MSI2: variants seen among roughly 807,000 people sequenced by gnomAD.
The protein encoded by MSI2 is musashi RNA binding protein 2.
A neutral mutation model predicts 45.6 loss-of-function variants in MSI2; 17 were observed. That is an observed-to-expected ratio of 0.37 (90% CI 0.26 to 0.56). The LOEUF (loss-of-function observed/expected upper bound fraction) is 0.56, where lower values mean the gene tolerates loss of function less well. Ranked by LOEUF, MSI2 falls within the 20% of genes least tolerant of loss-of-function variation. The pLI, the probability that MSI2 is intolerant of heterozygous loss-of-function variation, is 0.77. For synonymous variants in MSI2, 156 were observed against 158.2 expected, an observed-to-expected ratio of 0.99 and a Z score of 0.11; for missense variants, 293 against 444.2, an observed-to-expected ratio of 0.66 and a Z score of 3.06.
At chr17:57,523,843 A>G (rs1408628709) in intron 6 of MSI2, among the ~76,000 whole-genome samples, 1 of 152,118 alleles carries the variant, frequency 6.6e-6, no homozygotes, top group Non-Finnish European at 1.5e-5. Flanking sequence ...TAGACTGTCT[A>G]TCTTCTGATT....
intron 11 of MSI2, among the ~76,000 whole-genome samples, chr17:57,672,327 C>A (rs1598514126): frequency 6.6e-6 from 1 of 152,184 alleles, no homozygotes; most frequent in Non-Finnish European, 1.5e-5. Context: ...TCCCTTCAGG[C>A]CGACTCAGAA....
At chr17:57,427,122 C>A (rs936155920) in intron 6 of MSI2, among the ~76,000 whole-genome samples, 1 of 152,174 alleles carries the variant, frequency 6.6e-6, no homozygotes, top group Non-Finnish European at 1.5e-5. Flanking sequence ...AGAGGCCAGG[C>A]GTGGTGGCTC....
chr17:57,371,029 G>A (rs914402432), intron 5 of MSI2, among the ~76,000 whole-genome samples: 4 of 152,146 alleles, frequency 2.6e-5, no homozygotes, highest in African/African-American at 4.8e-5. Flanking sequence ...TATATATGAC[G>A]CATGCAGTAG....
At chr17:57,697,550 G>A in the MSI2 span, among the ~76,000 whole-genome samples, 14 of 151,946 alleles carry the variant, frequency 9.2e-5, no homozygotes, top group Non-Finnish European at 1.6e-4. Flanking sequence ...TCAGTCACTC[G>A]GTGTATTAGT....
chr17:57,257,621 G>A, intron 3 of MSI2, 74 bp downstream of exon 3: 2 of 1,136,492 alleles, frequency 1.8e-6, no homozygotes, highest in East Asian at 2.4e-5. Flanking sequence ...GGTGTCTTCG[G>A]AAGTAGCTAA....
intron 6 of MSI2, among the ~76,000 whole-genome samples, chr17:57,437,964 C>G (rs1173901495): frequency 6.6e-6 from 1 of 152,160 alleles, no homozygotes; most frequent in Non-Finnish European, 1.5e-5. Flanking sequence ...CACATGCACC[C>G]GTGTAATTAC....
chr17:57,496,437 G>A (rs969955895), intron 6 of MSI2, among the ~76,000 whole-genome samples: 2 of 145,886 alleles, frequency 1.4e-5, no homozygotes, highest in South Asian at 2.1e-4. Context: ...GCTGATGAAC[G>A]GTCTCATACA....
intron 6 of MSI2, among the ~76,000 whole-genome samples, chr17:57,455,217 G>GTC (rs901308946): frequency 7.2e-5 from 11 of 152,150 alleles, no homozygotes; most frequent in African/African-American, 2.7e-4. Context: ...ATATGAAACG[G>GTC]TCTCTCTCTG....
chr17:57,490,367 T>G (rs1236571583), intron 6 of MSI2, among the ~76,000 whole-genome samples: 1 of 152,254 alleles, frequency 6.6e-6, no homozygotes, highest in Non-Finnish European at 1.5e-5. Context: ...GTGGCTACAG[T>G]GCCAAAAGGC....
chr17:57,516,707 A>G (rs1598355088), intron 6 of MSI2, among the ~76,000 whole-genome samples: 1 of 152,166 alleles, frequency 6.6e-6, no homozygotes, highest in African/African-American at 2.4e-5. Flanking sequence ...TCTACTTTTC[A>G]ATGCTGGGGT....
At chr17:57,657,225 G>A (rs1015655260) in intron 11 of MSI2, among the ~76,000 whole-genome samples, 1 of 152,356 alleles carries the variant, frequency 6.6e-6, no homozygotes, top group East Asian at 1.9e-4. Context: ...AGGATTGAAT[G>A]TGAGTAAGGC....
intron 6 of MSI2, among the ~76,000 whole-genome samples, chr17:57,502,606 T>TAG (rs1567862675): frequency 1.2e-5 from 1 of 81,246 alleles, no homozygotes; most frequent in African/African-American, 5.9e-5. Context: ...CTCTGAGATA[T>TAG]ATATATATAT....
intron 6 of MSI2, among the ~76,000 whole-genome samples, chr17:57,498,552 G>C (rs1007980216): frequency 6.6e-6 from 1 of 152,306 alleles, no homozygotes. Context: ...GGAAGGCCAG[G>C]CCTCATGTCC....
chr17:57,540,846 C>T (rs1322539518), intron 7 of MSI2, among the ~76,000 whole-genome samples: 2 of 152,188 alleles, frequency 1.3e-5, no homozygotes, highest in Non-Finnish European at 2.9e-5. Context: ...GCTCCCCCCT[C>T]CCATTTGTGG....
chr17:57,335,601 C>T (rs935477854), intron 5 of MSI2, among the ~76,000 whole-genome samples: 2 of 152,148 alleles, frequency 1.3e-5, no homozygotes, highest in African/African-American at 2.4e-5. Flanking sequence ...GTGTGCCAGG[C>T]GCTGTTGTAG....
chr17:57,351,979 C>T (rs1357055945), intron 5 of MSI2, among the ~76,000 whole-genome samples: 2 of 152,196 alleles, frequency 1.3e-5, no homozygotes, highest in Non-Finnish European at 2.9e-5. Context: ...TGAGAACATA[C>T]ATTGTGTGAA....
chr17:57,498,606 G>A (rs2086028091), intron 6 of MSI2, among the ~76,000 whole-genome samples: 1 of 152,202 alleles, frequency 6.6e-6, no homozygotes, highest in Non-Finnish European at 1.5e-5. Context: ...CCTATGGGCA[G>A]CTGAAGTGGC....
intron 6 of MSI2, among the ~76,000 whole-genome samples, chr17:57,410,008 C>CAAAAAGAAAAAAAAAAAAAAAA (rs2084163184): frequency 1.6e-5 from 1 of 61,662 alleles, no homozygotes; most frequent in African/African-American, 6.0e-5. Flanking sequence ...ACTCTGTCTC[C>CAAAAAGAAAAAAAAAAAAAAAA]AAAAAAAAAA....
intron 6 of MSI2, among the ~76,000 whole-genome samples, chr17:57,417,438 T>C (rs2084315892): frequency 6.6e-6 from 1 of 152,166 alleles, no homozygotes; most frequent in African/African-American, 2.4e-5. Context: ...AGTTTACATC[T>C]GGATGCCTGC....
Sources: allele counts gnomAD v4.1 joint callset (sites outside exome capture counted in the v4.1 genomes callset), GRCh38; gene constraint gnomAD v4.1.1; transcripts MANE v1.5; gene names NCBI Gene and HGNC (gene_info 2026-07-23, HGNC 2026-07-21).